DPH6: variants seen among roughly 807,000 people sequenced by gnomAD.
The protein encoded by DPH6 is diphthamine biosynthesis 6.
A neutral mutation model predicts 38.2 loss-of-function variants in DPH6; 33 were observed. That is an observed-to-expected ratio of 0.86 (90% CI 0.65 to 1.15). DPH6 has a LOEUF of 1.15. DPH6 is among the 50% of genes most tolerant of loss of function. The probability of loss-of-function intolerance (pLI) is 0.00; values close to 1 mark genes in which losing one functional copy is unlikely to be tolerated. For synonymous variants in DPH6, 108 were observed against 103.0 expected, an observed-to-expected ratio of 1.05 and a Z score of -0.30; for missense variants, 325 against 320.0, an observed-to-expected ratio of 1.02 and a Z score of -0.12.
chr15:35,176,213 A>T, the DPH6 span, among the ~76,000 whole-genome samples: 1 of 152,142 alleles, frequency 6.6e-6, no homozygotes, highest in African/African-American at 2.4e-5. Flanking sequence ...GTTGTGATGG[A>T]GCTGCTGAAA....
the DPH6 span, among the ~76,000 whole-genome samples, chr15:35,205,853 A>G: frequency 3.9e-5 from 6 of 152,126 alleles, no homozygotes; most frequent in Non-Finnish European, 8.8e-5. Flanking sequence ...ACAAATCCAC[A>G]ATTTAAAAAA....
At chr15:35,186,739 G>A in the DPH6 span, among the ~76,000 whole-genome samples, 2,163 of 152,276 alleles carry the variant, frequency 0.014, 47 homozygotes, top group African/African-American at 0.05. Context: ...TCCAAGTTCA[G>A]TATTTTGGAC....
chr15:35,422,854 G>A (rs1035001849), intron 5 of DPH6, among the ~76,000 whole-genome samples: 3 of 151,796 alleles, frequency 2.0e-5, no homozygotes, highest in African/African-American at 7.2e-5. Context: ...ATAGTATAAG[G>A]TCCTCCAGGT....
chr15:35,409,513 T>C (rs1334123763), intron 6 of DPH6, among the ~76,000 whole-genome samples: 2 of 151,990 alleles, frequency 1.3e-5, no homozygotes, highest in African/African-American at 4.8e-5. Context: ...ACTTGCCTTT[T>C]CTACAAAGAA....
chr15:35,209,424 TA>T, the DPH6 span, among the ~76,000 whole-genome samples: 44 of 152,290 alleles, frequency 2.9e-4, 1 homozygote, highest in African/African-American at 1.0e-3. Flanking sequence ...GTGGGATAAC[TA>T]AAAGTTCCAA....
intron 3 of DPH6, among the ~76,000 whole-genome samples, chr15:35,466,550 A>T (rs1371574889): frequency 6.6e-6 from 1 of 152,186 alleles, no homozygotes; most frequent in African/African-American, 2.4e-5. Context: ...CCAAGAAAAA[A>T]ATCGTTTATG....
At chr15:35,270,007 T>A (rs2051812264) in intron 3 of DPH6, among the ~76,000 whole-genome samples, 1 of 147,526 alleles carries the variant, frequency 6.8e-6, no homozygotes, top group Non-Finnish European at 1.5e-5. Flanking sequence ...TTAGCCAGGA[T>A]GGTCTCGATC....
At chr15:35,509,122 G>A (rs965079177) in intron 3 of DPH6, among the ~76,000 whole-genome samples, 1 of 152,104 alleles carries the variant, frequency 6.6e-6, no homozygotes, top group Non-Finnish European at 1.5e-5. Flanking sequence ...TCACAAGTCA[G>A]ATAAAAAAGC....
intron 3 of DPH6, among the ~76,000 whole-genome samples, chr15:35,278,416 G>C (rs1269369985): frequency 1.3e-5 from 2 of 152,244 alleles, no homozygotes; most frequent in Non-Finnish European, 2.9e-5. Flanking sequence ...ATAATGTATG[G>C]GAAAGCCTAG....
At chr15:35,356,875 C>T (rs1015245812) in intron 3 of DPH6, among the ~76,000 whole-genome samples, 1 of 152,198 alleles carries the variant, frequency 6.6e-6, no homozygotes, top group Non-Finnish European at 1.5e-5. Context: ...TGCCCTGCCC[C>T]CAGAGGTGGA....
intron 3 of DPH6, chr15:35,237,915 A>C: frequency 1.4e-6 from 2 of 1,399,412 alleles, no homozygotes; most frequent in Non-Finnish European, 2.0e-6. Context: ...GGTGAAGAGG[A>C]GGACGTGAGT....
chr15:35,418,107 G>A (rs1466950129), intron 5 of DPH6, among the ~76,000 whole-genome samples: 2 of 151,698 alleles, frequency 1.3e-5, no homozygotes, highest in East Asian at 3.9e-4. Flanking sequence ...GTAAAGCTTG[G>A]GTCGTGAACA....
the DPH6 span, among the ~76,000 whole-genome samples, chr15:35,162,357 C>G: frequency 6.6e-6 from 1 of 151,896 alleles, no homozygotes; most frequent in African/African-American, 2.4e-5. Context: ...AAATGTTCTC[C>G]ATCATCTGGC....
chr15:35,468,648 G>A (rs192257181), intron 3 of DPH6, among the ~76,000 whole-genome samples: 82 of 152,098 alleles, frequency 5.4e-4, no homozygotes, highest in Non-Finnish European at 1.0e-3. Flanking sequence ...TAACCCCAAT[G>A]GACAGGATTA....
At chr15:35,315,857 T>C (rs568170866) in intron 3 of DPH6, among the ~76,000 whole-genome samples, 22 of 152,218 alleles carry the variant, frequency 1.4e-4, no homozygotes, top group African/African-American at 5.1e-4. Flanking sequence ...ATTATTCAGC[T>C]GCAAAAAAGG....
the DPH6 span, among the ~76,000 whole-genome samples, chr15:35,172,316 C>A: frequency 3.2e-4 from 49 of 152,164 alleles, no homozygotes; most frequent in African/African-American, 1.1e-3. Context: ...TGAATTTATA[C>A]GCTACCGACA....
chr15:35,468,106 A>G (rs1338370638), intron 3 of DPH6, among the ~76,000 whole-genome samples: 1 of 152,238 alleles, frequency 6.6e-6, no homozygotes, highest in African/African-American at 2.4e-5. Context: ...CTATTTCTCA[A>G]ATTTCAATCT....
At chr15:35,194,739 CTTATA>C in the DPH6 span, among the ~76,000 whole-genome samples, 2,161 of 152,220 alleles carry the variant, frequency 0.014, 45 homozygotes, top group African/African-American at 0.05. Flanking sequence ...ATGGGTTTCA[CTTATA>C]TTATCTCATT....
At chr15:35,178,536 C>T in the DPH6 span, among the ~76,000 whole-genome samples, 8 of 152,196 alleles carry the variant, frequency 5.3e-5, no homozygotes, top group African/African-American at 1.9e-4. Flanking sequence ...CAGGTCCCTC[C>T]ATGACACATG....
Sources: gnomAD v4.1 joint callset for allele counts (sites outside exome capture counted in the v4.1 genomes callset) on GRCh38, gnomAD v4.1.1 for gene constraint, MANE v1.5 for transcripts, NCBI Gene and HGNC (gene_info 2026-07-23, HGNC 2026-07-21) for gene names.